The following GKN2 variants were observed in gnomAD, a reference collection of about 807,000 sequenced individuals.
GKN2 encodes gastrokine-2.
Under a neutral mutation model 22.7 loss-of-function variants are expected in GKN2, and 17 were observed. The ratio of observed to expected loss-of-function variants is 0.75; its 90% CI spans 0.51 to 1.13. The LOEUF (loss-of-function observed/expected upper bound fraction) is 1.13. GKN2 is among the 50% of genes most tolerant of loss of function. GKN2 has a pLI of 0.00. For missense variants in GKN2, 248 were observed against 221.4 expected (o/e 1.12, Z -0.76); for synonymous variants, 82 against 79.6 (o/e 1.03, Z -0.16).
chr2:68,945,936 T>G (rs1669759089), intron 5 of GKN2: 1 of 296,046 alleles, frequency 3.4e-6, no homozygotes, highest in African/African-American at 2.2e-5. Context: ...AGTGACTTCC[T>G]TCTTATTATC....
At chr2:68,945,674 T>C (rs1669755090) in intron 5 of GKN2, 2 of 401,782 alleles carry the variant, frequency 5.0e-6, no homozygotes, top group East Asian at 7.5e-5. Flanking sequence ...AGATATATAA[T>C]AAACATAAAC....
intron 1 of GKN2, among the ~76,000 whole-genome samples, chr2:68,951,752 C>T (rs924881609): frequency 2.6e-5 from 4 of 152,150 alleles, no homozygotes; most frequent in Non-Finnish European, 4.4e-5. Flanking sequence ...ATGATACTCC[C>T]GTATATTCTA....
At chr2:68,950,665 A>T in intron 2 of GKN2, 37 bp downstream of exon 2, 3 of 1,590,508 alleles carry the variant, frequency 1.9e-6, no homozygotes, top group Non-Finnish European at 1.7e-6. Flanking sequence ...CTCTCCCAAC[A>T]TCTCTAAGAG....
intron 1 of GKN2, among the ~76,000 whole-genome samples, chr2:68,951,441 C>G (rs924736245): frequency 6.6e-6 from 1 of 152,218 alleles, no homozygotes; most frequent in Admixed American, 6.5e-5. Flanking sequence ...TCTGTTCCAA[C>G]ATGCTAACCC....
rs867449578 is a variant in GKN2, at chr2:68,950,697, C to T, written c.66+5G>A. On this transcript the variant is annotated splice_donor_5th_base_variant and intron_variant, in intron 2 of 5. Transcript: ENST00000328895. ...AGAGATAAAGTCCATAAGGAACCAA[C>T]TCACCTCGTATCCATGAGATTGTAT... is the stretch of plus-strand genomic sequence containing the variant. 5 of 1,613,830 alleles carry T rather than the reference C, an allele frequency of 3.1e-6. No homozygotes were observed. Among genetic ancestry groups the T allele is most frequent in the African/African-American group, 2.7e-5 (2 of 75,026 alleles).
chr2:68,946,160 A>T, intron 5 of GKN2, 144 bp downstream of exon 5: 1 of 620,948 alleles, frequency 1.6e-6, no homozygotes, highest in Non-Finnish European at 2.7e-6. Context: ...CAATTTACAC[A>T]CATGGCATGT....
intron 5 of GKN2, 41 bp downstream of exon 5, chr2:68,946,263 T>G: frequency 6.4e-7 from 1 of 1,555,634 alleles, no homozygotes; most frequent in East Asian, 2.3e-5. Flanking sequence ...ATAGTAGCTT[T>G]CAGAAAATAT....
chr2:68,950,294 C>T (rs1669837368), intron 2 of GKN2, 31 bp from the exon 3 acceptor site: 4 of 1,591,188 alleles, frequency 2.5e-6, no homozygotes, highest in Non-Finnish European at 3.4e-6. Context: ...AAATGTTTTT[C>T]CATAAATCTT....
In GKN2 at chr2:68,950,740, C is replaced by A. The variant is rs1479041800; in HGVS notation, c.28G>T (p.Val10Leu). 1 of 1,614,100 alleles carries A rather than the reference C, an allele frequency of 6.2e-7. No homozygotes were observed. Among genetic ancestry groups the A allele is most frequent in the African/African-American group, 1.3e-5 (1 of 75,012 alleles). Residue 10 changes from valine to leucine, a missense_variant, in exon 2 of 6, where the codon GTG becomes TTG. Val to Leu is a conservative substitution (Grantham distance 32). Coordinates refer to ENST00000328895, the MANE Select transcript of GKN2 (RefSeq NM_182536.3). MKILVAFLV[V>L]LTIFGIQSHG... ...GATTGTATCCCAAAGATGGTCAGCA[C>A]CACCAGAAATGCCACCTGAAAAACA...
Position 68,952,891 on chromosome 2 carries a change from A to C in GKN2, c.-30T>G. On this transcript the variant is annotated 5_prime_UTR_variant, in exon 1 of 6. Transcript: ENST00000328895. ...CCTGGGAGAGGAAGGTGCTGGAGTA[A>C]GTAAAGCTGCCCTGTGCAGCTTCTA... 1.9e-6 allele frequency: 3 copies of C among 1,612,566 alleles called. No individual in the cohort carries two copies. The East Asian group carries it at 6.7e-5, about 36-fold the overall frequency.
In GKN2 at chr2:68,950,147, G is replaced by A. The variant is rs372255907; in HGVS notation, c.183C>T (p.Thr61=). 5 of 1,612,514 alleles carry A rather than the reference G, an allele frequency of 3.1e-6. No homozygotes were observed. Among genetic ancestry groups the A allele is most frequent in the East Asian group, 2.2e-5 (1 of 44,858 alleles). Residue 61 remains threonine, a synonymous_variant, in exon 3 of 6, where the codon ACC becomes ACT. Transcript: ENST00000328895. ...INIHAGSCSS[T]TIFDYKHGYI... ...TTACATGTTTATAGTCAAAAATTGT[G>A]GTAGAAGAGCATGATCCTGCATGGA... is the stretch of plus-strand genomic sequence containing the variant.
In GKN2 at chr2:68,952,863, T is replaced by C; in HGVS notation, c.-2A>G. On this transcript the variant is annotated 5_prime_UTR_variant, in exon 1 of 6. Transcript: ENST00000328895. Reference sequence around the variant, plus strand: ...ACAAATACTCACAAGTATTTTCATTTTGCCTGGGAGAGGAAGGTGCTGGAG... The same window carrying C: ...ACAAATACTCACAAGTATTTTCATTCTGCCTGGGAGAGGAAGGTGCTGGAG... The C allele has an allele frequency of 6.2e-7, 1 of 1,614,032 alleles. No individual in the cohort carries two copies. The highest frequency in any genetic ancestry group is 8.5e-7 in the Non-Finnish European group (1 of 1,179,956).
intron 3 of GKN2, among the ~76,000 whole-genome samples, chr2:68,949,776 C>G (rs1434856577): frequency 6.6e-6 from 1 of 152,154 alleles, no homozygotes; most frequent in Non-Finnish European, 1.5e-5. Flanking sequence ...TTCATTTGTT[C>G]ACTCAACAAA....
At chr2:68,947,008 A>G in intron 4 of GKN2, 139 bp downstream of exon 4, 1 of 586,814 alleles carries the variant, frequency 1.7e-6, no homozygotes, top group East Asian at 2.8e-5. Context: ...AAACACTTTA[A>G]TAACTTTAAT....
intron 1 of GKN2, among the ~76,000 whole-genome samples, chr2:68,952,019 T>A (rs527512731): frequency 1.4e-4 from 22 of 152,328 alleles, no homozygotes; most frequent in Non-Finnish European, 2.4e-4. Context: ...TACTTAACAT[T>A]TTGCTTTCTC....
chr2:68,946,130 T>C, intron 5 of GKN2, 174 bp downstream of exon 5: 1 of 513,100 alleles, frequency 1.9e-6, no homozygotes, highest in Non-Finnish European at 3.4e-6. Flanking sequence ...AATTCATTTC[T>C]GTATTCCTAA....
intron 2 of GKN2, among the ~76,000 whole-genome samples, 199 bp from the exon 3 acceptor site, chr2:68,950,462 G>A (rs1669839940): frequency 6.6e-6 from 1 of 152,194 alleles, no homozygotes; most frequent in Admixed American, 6.5e-5. Context: ...TTATATATGG[G>A]AGAAGCAGTG....
intron 3 of GKN2, among the ~76,000 whole-genome samples, chr2:68,949,060 A>T (rs966692437): frequency 6.6e-6 from 1 of 152,258 alleles, no homozygotes; most frequent in Non-Finnish European, 1.5e-5. Context: ...GGGACAGAAA[A>T]TCATGTTCAA....
At chr2:68,950,299 A>T in intron 2 of GKN2, 36 bp from the exon 3 acceptor site, 1 of 1,581,418 alleles carries the variant, frequency 6.3e-7, no homozygotes, top group South Asian at 1.2e-5. Flanking sequence ...TTTTTCCATA[A>T]ATCTTATATA....
Sources: gnomAD v4.1 joint callset for allele counts (sites outside exome capture counted in the v4.1 genomes callset) on GRCh38, gnomAD v4.1.1 for gene constraint, MANE v1.5 for transcripts, NCBI Gene and HGNC (gene_info 2026-07-23, HGNC 2026-07-21) for gene names.